Variants in LRBA observed in about 807,000 individuals in gnomAD.
LRBA encodes lipopolysaccharide-responsive and beige-like anchor protein.
A neutral mutation model predicts 330.0 loss-of-function variants in LRBA; 176 were observed. The observed-to-expected ratio is 0.53, with a 90% confidence interval of 0.47 to 0.60. The LOEUF is 0.60. LRBA is among the 20% of genes least tolerant of loss of function. The pLI, the probability that LRBA is intolerant of heterozygous loss-of-function variation, is 0.00. For synonymous variants in LRBA, 1,230 were observed against 1,193.0 expected (o/e 1.03, Z -0.64); for missense variants, 3,259 against 3,444.8 (o/e 0.95, Z 1.35).
At chr4:150,961,438 AAC>A (rs1361929622) in intron 2 of LRBA, among the ~76,000 whole-genome samples, 1 of 149,496 alleles carries the variant, frequency 6.7e-6, no homozygotes, top group East Asian at 1.9e-4. Context: ...AGACAGAAGA[AAC>A]AGAGATTAGC....
At chr4:150,697,862 C>T (rs139346755) in intron 36 of LRBA, among the ~76,000 whole-genome samples, 479 of 151,874 alleles carry the variant, frequency 3.2e-3, no homozygotes, top group Non-Finnish European at 5.1e-3. Context: ...AGCACTGATG[C>T]CTTTGATGAC....
intron 37 of LRBA, among the ~76,000 whole-genome samples, chr4:150,629,466 C>T (rs1296095255): frequency 6.6e-6 from 1 of 151,554 alleles, no homozygotes; most frequent in Non-Finnish European, 1.5e-5. Context: ...TGGTGAAACC[C>T]CACCTCTACT....
At chr4:150,851,412 T>C (rs115957622) in intron 23 of LRBA, among the ~76,000 whole-genome samples, 1,687 of 152,300 alleles carry the variant, frequency 0.011, 12 homozygotes, top group Non-Finnish European at 0.017. Flanking sequence ...CTCTGAGATA[T>C]GGACAGAGGA....
At chr4:150,597,739 A>G (rs1453050491) in intron 38 of LRBA, among the ~76,000 whole-genome samples, 2 of 151,920 alleles carry the variant, frequency 1.3e-5, no homozygotes. Flanking sequence ...AGAAAAAAAA[A>G]CCCTCTGAAA....
At chr4:150,836,958 T>G (rs1462142437) in intron 28 of LRBA, among the ~76,000 whole-genome samples, 1 of 152,198 alleles carries the variant, frequency 6.6e-6, no homozygotes, top group Non-Finnish European at 1.5e-5. Flanking sequence ...CTCTACACAC[T>G]GCTTTAAATG....
At chr4:150,905,366 G>A (rs370761986) in intron 13 of LRBA, among the ~76,000 whole-genome samples, 16 of 151,498 alleles carry the variant, frequency 1.1e-4, no homozygotes, top group African/African-American at 3.6e-4. Context: ...AAGTAAAAAA[G>A]AGAGAGAGCA....
chr4:150,336,834 A>C (rs1346851734), intron 48 of LRBA, among the ~76,000 whole-genome samples: 2 of 152,220 alleles, frequency 1.3e-5, no homozygotes, highest in African/African-American at 2.4e-5. Flanking sequence ...GAAACCAGCT[A>C]GTCAGAGCAG....
intron 33 of LRBA, among the ~76,000 whole-genome samples, chr4:150,799,842 T>C (rs1741336073): frequency 6.6e-6 from 1 of 152,162 alleles, no homozygotes; most frequent in African/African-American, 2.4e-5. Flanking sequence ...CCTCCCAGGT[T>C]CAATCAATTC....
chr4:150,962,816 T>C (rs1169883162), intron 2 of LRBA, among the ~76,000 whole-genome samples: 2 of 147,182 alleles, frequency 1.4e-5, no homozygotes, highest in African/African-American at 2.7e-5. Flanking sequence ...TAGCCGGGCG[T>C]GGTGGCATGT....
chr4:150,506,363 A>G (rs1401703749), intron 40 of LRBA, among the ~76,000 whole-genome samples: 1 of 152,212 alleles, frequency 6.6e-6, no homozygotes, highest in Non-Finnish European at 1.5e-5. Context: ...GCAGCACATC[A>G]AAAAGCTTAT....
rs1249949210 is a variant in LRBA at position 150,752,611 on chromosome 4, T to A, written c.5645+9172A>T. ...ATCCTTGATCAGAGACCACAAGGTA[T>A]CCATATGCTTTATTAGACTTTAAAT... is the stretch of plus-strand genomic sequence containing the variant. On this transcript the variant is annotated intron_variant, in intron 35 of 56. Transcript: ENST00000651943. Among the ~76,000 whole-genome samples, 3 of 152,126 alleles carry A rather than the reference T, an allele frequency of 2.0e-5. No homozygotes were observed. In the East Asian group the frequency reaches 5.8e-4, roughly 29 times the overall value.
chr4:150,632,133 A>ATT (rs2126674217), intron 37 of LRBA, among the ~76,000 whole-genome samples: 1 of 152,080 alleles, frequency 6.6e-6, no homozygotes, highest in African/African-American at 2.4e-5. Flanking sequence ...TGGGAGGCTG[A>ATT]GGCAGGAGAA....
chr4:150,405,404 T>C (rs919473238), intron 47 of LRBA, among the ~76,000 whole-genome samples: 1 of 152,210 alleles, frequency 6.6e-6, no homozygotes, highest in African/African-American at 2.4e-5. Flanking sequence ...TGAAAACCAC[T>C]GGTATTTGAA....
rs767919499 is a variant in LRBA at position 150,490,924 on chromosome 4, T to C, written c.6442A>G (p.Asn2148Asp). Residue 2148 changes from asparagine to aspartate, a missense_variant, in exon 41 of 57, where the codon AAC (asparagine) becomes GAC (aspartate). Coordinates refer to ENST00000651943, the MANE Select transcript of LRBA (RefSeq NM_001364905.1). Reference sequence around the variant, plus strand: ...TATTTCTGTAACACATTACCTCTGTTTGCCATAAAGATCTCCAGGGCTGTA... The same window carrying C: ...TATTTCTGTAACACATTACCTCTGTCTGCCATAAAGATCTCCAGGGCTGTA... ...QNTALEIFMA[N>D]RVAVMFNFPD... 3.8e-6 allele frequency: 6 copies of C among 1,591,358 alleles called. No homozygotes were observed. Among genetic ancestry groups the C allele is most frequent in the Non-Finnish European group, 4.3e-6 (5 of 1,161,762 alleles).
At chr4:150,662,201 C>T (rs1483088494) in intron 37 of LRBA, among the ~76,000 whole-genome samples, 2 of 151,984 alleles carry the variant, frequency 1.3e-5, no homozygotes, top group African/African-American at 2.4e-5. Context: ...TAATGTAATC[C>T]ATGAAAAATC....
At chr4:150,660,143 C>T (rs1389706246) in intron 37 of LRBA, among the ~76,000 whole-genome samples, 1 of 19,172 alleles carries the variant, frequency 5.2e-5, no homozygotes, top group African/African-American at 8.3e-5. Context: ...GTCAGCCCTC[C>T]GCCCGGCCAG....
chr4:150,282,966 C>T (rs1319695834), intron 54 of LRBA, among the ~76,000 whole-genome samples: 1 of 152,114 alleles, frequency 6.6e-6, no homozygotes, highest in African/African-American at 2.4e-5. Context: ...ACAGGATAAG[C>T]TTCAAATTCT....
intron 46 of LRBA, among the ~76,000 whole-genome samples, chr4:150,417,053 C>T (rs1469495323): frequency 6.6e-6 from 1 of 151,994 alleles, no homozygotes; most frequent in Non-Finnish European, 1.5e-5. Flanking sequence ...TCAAATAAGC[C>T]TGGGTTCTAC....
At chr4:150,829,661 G>T (rs1746860356) in intron 29 of LRBA, among the ~76,000 whole-genome samples, 2 of 152,066 alleles carry the variant, frequency 1.3e-5, no homozygotes, top group South Asian at 4.1e-4. Flanking sequence ...TTCTTAAGTT[G>T]GAGGGACACA....
Sources: gnomAD v4.1 joint callset for allele counts (sites outside exome capture counted in the v4.1 genomes callset) on GRCh38, gnomAD v4.1.1 for gene constraint, MANE v1.5 for transcripts, NCBI Gene and HGNC (gene_info 2026-07-23, HGNC 2026-07-21) for gene names.